CREB5: variants seen among roughly 807,000 people sequenced by gnomAD.
CREB5 encodes cyclic AMP-responsive element-binding protein 5.
A neutral mutation model predicts 57.1 loss-of-function variants in CREB5; 19 were observed. The observed-to-expected ratio is 0.33, with a 90% CI of 0.23 to 0.49. CREB5 has a LOEUF of 0.49. Among genes scored for constraint, CREB5 ranks in the 20% least tolerant of loss-of-function variants. The pLI, the probability that CREB5 is intolerant of heterozygous loss-of-function variation, is 0.99. For missense variants in CREB5, 579 were observed against 671.6 expected (o/e 0.86, Z 1.52); for synonymous variants, 238 against 238.3 (o/e 1.00, Z 0.01).
chr7:28,605,554 A>G (rs1797096590), intron 5 of CREB5, among the ~76,000 whole-genome samples: 1 of 152,194 alleles, frequency 6.6e-6, no homozygotes, highest in African/African-American at 2.4e-5. Context: ...ACAATGCGCT[A>G]AAATTAATAC....
intron 4 of CREB5, among the ~76,000 whole-genome samples, chr7:28,536,197 A>G (rs1793961187): frequency 6.6e-6 from 1 of 152,180 alleles, no homozygotes; most frequent in Non-Finnish European, 1.5e-5. Flanking sequence ...ACGAAGGGGG[A>G]TGCTGTTTAG....
intron 2 of CREB5, among the ~76,000 whole-genome samples, chr7:28,494,084 T>G (rs974361491): frequency 6.6e-6 from 1 of 152,212 alleles, no homozygotes; most frequent in East Asian, 1.9e-4. Context: ...CCATAGATAA[T>G]GTCTAGCATA....
intron 4 of CREB5, among the ~76,000 whole-genome samples, chr7:28,527,932 C>T (rs1793516533): frequency 6.6e-6 from 1 of 152,196 alleles, no homozygotes; most frequent in Non-Finnish European, 1.5e-5. Context: ...CTTGAGCTAT[C>T]CATACCTACT....
intron 5 of CREB5, among the ~76,000 whole-genome samples, chr7:28,673,034 A>G (rs1040635161): frequency 7.2e-5 from 11 of 152,246 alleles, no homozygotes; most frequent in South Asian, 2.1e-4. Flanking sequence ...TTTCTAAGTC[A>G]GTGTAGGCCA....
At chr7:28,777,693 TC>T (rs1176695490) in intron 7 of CREB5, among the ~76,000 whole-genome samples, 1 of 152,222 alleles carries the variant, frequency 6.6e-6, no homozygotes, top group Admixed American at 6.5e-5. Context: ...TGGAGGCTCT[TC>T]TTTACTGCAT....
rs1253537038 is a variant in CREB5 at position 28,560,937 on chromosome 7, CGTGCGTGTGTGT to C, written c.292-9426_292-9415del. On this transcript the variant is annotated intron_variant, in intron 4 of 10. Transcript: ENST00000357727. ...GTGCGTGTGTGCGCGTGCGTGTGTG[CGTGCGTGTGTGT>C]GCGTGTGTGTGCGTGTGTGTGTGCG... 9.8e-4 allele frequency among the ~76,000 whole-genome samples: 35 copies of C among 35,548 alleles called. 4 individuals carry two copies. The highest frequency in any genetic ancestry group is 3.6e-3 in the African/African-American group (33 of 9,088). The allele number at this position is 35,548 out of a possible 152,430, so 23.3% of individuals were successfully genotyped here.
intron 5 of CREB5, among the ~76,000 whole-genome samples, chr7:28,614,185 T>C (rs1038307455): frequency 1.3e-5 from 2 of 152,136 alleles, no homozygotes; most frequent in Non-Finnish European, 2.9e-5. Context: ...TCTCAAACAC[T>C]TGGGCCCAAG....
intron 2 of CREB5, among the ~76,000 whole-genome samples, chr7:28,488,513 C>G (rs1168083657): frequency 6.6e-6 from 1 of 152,190 alleles, no homozygotes; most frequent in African/African-American, 2.4e-5. Context: ...TGGAAGCAAG[C>G]CAGGTGTATC....
chr7:28,522,689 G>A (rs1483050484), intron 4 of CREB5, among the ~76,000 whole-genome samples: 9 of 152,140 alleles, frequency 5.9e-5, no homozygotes, highest in Admixed American at 5.9e-4. Context: ...TGAGGCCACC[G>A]TGCCTGGCTA....
chr7:28,625,114 C>A (rs1379884218), intron 5 of CREB5, among the ~76,000 whole-genome samples: 1 of 150,884 alleles, frequency 6.6e-6, no homozygotes, highest in African/African-American at 2.4e-5. Context: ...CTATTATTAA[C>A]CCCGTTCTAC....
At chr7:28,451,513 CT>C (rs1334219078) in intron 1 of CREB5, among the ~76,000 whole-genome samples, 2 of 145,720 alleles carry the variant, frequency 1.4e-5, no homozygotes, top group East Asian at 4.0e-4. Flanking sequence ...TCTATATGTA[CT>C]TTTTTTTTCC....
intron 5 of CREB5, among the ~76,000 whole-genome samples, chr7:28,617,086 A>G (rs1205937088): frequency 1.3e-5 from 2 of 152,214 alleles, no homozygotes; most frequent in Non-Finnish European, 2.9e-5. Context: ...AATCATCCAC[A>G]AGAAGGATTC....
chr7:28,480,999 T>A (rs189812400), intron 1 of CREB5, among the ~76,000 whole-genome samples: 1 of 152,306 alleles, frequency 6.6e-6, no homozygotes, highest in Non-Finnish European at 1.5e-5. Flanking sequence ...AAGAGGAATC[T>A]AACATATGAA....
intron 5 of CREB5, among the ~76,000 whole-genome samples, chr7:28,643,349 G>A (rs901367894): frequency 6.6e-6 from 1 of 152,078 alleles, no homozygotes; most frequent in Non-Finnish European, 1.5e-5. Context: ...TGAATTATAT[G>A]GGTCAAATTT....
intron 7 of CREB5, among the ~76,000 whole-genome samples, chr7:28,744,594 C>T (rs544041739): frequency 3.3e-5 from 5 of 151,918 alleles, no homozygotes; most frequent in South Asian, 4.2e-4. Flanking sequence ...GTGATCCACC[C>T]GCCTCGGCCT....
chr7:28,604,510 C>T (rs565053993), intron 5 of CREB5, among the ~76,000 whole-genome samples: 10 of 152,058 alleles, frequency 6.6e-5, no homozygotes, highest in Non-Finnish European at 1.5e-4. Context: ...GTTGGATTAA[C>T]CTACTCCTTG....
At chr7:28,744,036 T>C (rs1804552632) in intron 7 of CREB5, among the ~76,000 whole-genome samples, 1 of 100,600 alleles carries the variant, frequency 9.9e-6, no homozygotes, top group African/African-American at 3.7e-5. Context: ...GAGTGTGATA[T>C]TCCCCTTCCT....
intron 1 of CREB5, among the ~76,000 whole-genome samples, chr7:28,309,598 G>T (rs146145557): frequency 6.2e-4 from 95 of 152,156 alleles, no homozygotes; most frequent in African/African-American, 2.1e-3. Context: ...TTGCTGAGCT[G>T]CCTGAGTTGA....
chr7:28,709,226 C>G (rs1723987208), intron 5 of CREB5, among the ~76,000 whole-genome samples: 1 of 152,022 alleles, frequency 6.6e-6, no homozygotes, highest in African/African-American at 2.4e-5. Context: ...TAAGTCTGAC[C>G]TATGGGTAAA....
Sources: allele counts gnomAD v4.1 joint callset (sites outside exome capture counted in the v4.1 genomes callset), GRCh38; gene constraint gnomAD v4.1.1; transcripts MANE v1.5; gene names NCBI Gene and HGNC (gene_info 2026-07-23, HGNC 2026-07-21).